Variants in KCTD1 observed in about 807,000 individuals in gnomAD.
KCTD1 encodes the protein BTB/POZ domain-containing protein KCTD1.
KCTD1 carries 24 observed loss-of-function variants against 66.0 expected under a neutral mutation model. The observed-to-expected ratio is 0.36, with a 90% CI of 0.26 to 0.51. The LOEUF (loss-of-function observed/expected upper bound fraction) is 0.51, where lower values mean the gene tolerates loss of function less well. Among genes scored for constraint, KCTD1 ranks in the 20% least tolerant of loss-of-function variants. The probability of loss-of-function intolerance (pLI) is 0.95; values close to 1 mark genes in which losing one functional copy is unlikely to be tolerated. For missense variants in KCTD1, 943 were observed against 1,205.2 expected (o/e 0.78, Z 3.22); for synonymous variants, 511 against 517.2 (o/e 0.99, Z 0.16).
At chr18:26,463,510 T>C (rs1217402638) in intron 3 of KCTD1, among the ~76,000 whole-genome samples, 1 of 151,164 alleles carries the variant, frequency 6.6e-6, no homozygotes, top group African/African-American at 2.4e-5. Context: ...CCTATTATCA[T>C]GTTTAAATCA....
At chr18:26,500,974 C>G (rs760601148) in intron 2 of KCTD1, 98 bp downstream of exon 2, 19 of 1,348,656 alleles carry the variant, frequency 1.4e-5, no homozygotes, top group Non-Finnish European at 1.9e-5. Flanking sequence ...CATCCTGCCC[C>G]CTGCCTCCAC....
At chr18:26,650,011 C>A (rs1002477415) in intron 1 of KCTD1, among the ~76,000 whole-genome samples, 1 of 152,168 alleles carries the variant, frequency 6.6e-6, no homozygotes, top group Admixed American at 6.5e-5. Context: ...GCATTTGCAT[C>A]ATTTCATAGC....
At chr18:26,488,937 A>ACATTTT (rs1272070972) in intron 2 of KCTD1, among the ~76,000 whole-genome samples, 1 of 152,196 alleles carries the variant, frequency 6.6e-6, no homozygotes, top group Admixed American at 6.5e-5. Flanking sequence ...TTTTTAAAAA[A>ACATTTT]CATTTTCATT....
intron 1 of KCTD1, among the ~76,000 whole-genome samples, chr18:26,645,646 C>G (rs1032460041): frequency 9.9e-5 from 15 of 152,172 alleles, no homozygotes; most frequent in South Asian, 4.1e-4. Context: ...AATCCTCCCA[C>G]CTTGGCCTCC....
chr18:26,505,253 C>G (rs576012500), intron 1 of KCTD1, among the ~76,000 whole-genome samples: 1 of 152,368 alleles, frequency 6.6e-6, no homozygotes, highest in African/African-American at 2.4e-5. Context: ...CTCAACTCTA[C>G]CTTCCCATCA....
At chr18:26,503,230 A>C (rs1399080260) in intron 1 of KCTD1, among the ~76,000 whole-genome samples, 1 of 152,208 alleles carries the variant, frequency 6.6e-6, no homozygotes, top group Non-Finnish European at 1.5e-5. Context: ...TTAACAATGC[A>C]AAATAGATAT....
intron 1 of KCTD1, among the ~76,000 whole-genome samples, chr18:26,606,303 T>A (rs1987014326): frequency 3.3e-5 from 5 of 152,192 alleles, no homozygotes; most frequent in Admixed American, 3.3e-4. Context: ...ATGAGGCATG[T>A]CTGACTGCCC....
chr18:26,548,088 C>A lies in KCTD1; in HGVS notation c.449G>T (p.Gly150Val). The A allele has an allele frequency of 4.5e-6, 6 of 1,345,532 alleles. No individual in the cohort carries two copies. Among genetic ancestry groups the A allele is most frequent in the Non-Finnish European group, 5.7e-6 (6 of 1,058,426 alleles). 83.3% of individuals were successfully genotyped at this position (1,345,532 alleles called of 1,614,324 possible). A position where few individuals can be genotyped will look rare whatever the true frequency, so the allele number is the denominator to read the frequency against. ...LAPRARGGPP[G>V]DGSELDPDVL... ...GTCGGGGTCCAGCTCGGAGCCGTCCCCGGGCGGCCCACCGCGGGCCCGGGG... is the reference window on the plus strand; with the variant it reads ...GTCGGGGTCCAGCTCGGAGCCGTCCACGGGCGGCCCACCGCGGGCCCGGGG... Residue 150 changes from glycine (G) to valine (V), a missense_variant, in exon 1 of 5, where the codon GGG becomes GTG. Coordinates refer to ENST00000580059, the MANE Select transcript of KCTD1 (RefSeq NM_001142730.3).
intron 1 of KCTD1, among the ~76,000 whole-genome samples, chr18:26,518,822 C>A (rs1305457830): frequency 6.6e-6 from 1 of 152,194 alleles, no homozygotes; most frequent in East Asian, 1.9e-4. Context: ...GGATTACAGG[C>A]ATGAGCTACT....
At chr18:26,481,005 T>C (rs1424505149) in intron 2 of KCTD1, among the ~76,000 whole-genome samples, 2 of 152,208 alleles carry the variant, frequency 1.3e-5, no homozygotes, top group Non-Finnish European at 2.9e-5. Context: ...TTTTTTCTTG[T>C]GTATTCATTC....
chr18:26,606,135 G>A (rs541793439), intron 1 of KCTD1, among the ~76,000 whole-genome samples: 6 of 152,288 alleles, frequency 3.9e-5, no homozygotes, highest in Admixed American at 3.3e-4. Context: ...GAAATGTCTG[G>A]GTTAAGATAA....
Position 26,546,901 on chromosome 18 carries a change from T to G in KCTD1, c.1636A>C (p.Ile546Leu). ...CTTTTGGGGGAAGTGGGGCCGCAGA[T>G]TTCCCCCGACCCGAACACAGACTCG... The part of the protein sequence containing the change: ...LYESVFGSGE[I>L]CGPTSPKRLC... The change falls in exon 1 of 5, where the codon ATC becomes CTC. Residue 546 changes from isoleucine to leucine, a missense_variant. By Grantham distance (5) the Ile-to-Leu change is conservative. Coordinates refer to ENST00000580059, the MANE Select transcript of KCTD1 (RefSeq NM_001142730.3). 6.7e-7 allele frequency: 1 copy of G among 1,484,412 alleles called. No homozygotes were observed. The highest frequency in any genetic ancestry group is 9.0e-7 in the Non-Finnish European group (1 of 1,116,182). The allele number at this position is 1,484,412 out of a possible 1,614,324, so 92.0% of individuals were successfully genotyped here.
chr18:26,620,348 TAAAAAAAAAAAAAAAAAAAAAA>T (rs10594272), intron 1 of KCTD1, among the ~76,000 whole-genome samples: 2 of 87,214 alleles, frequency 2.3e-5, no homozygotes, highest in Middle Eastern at 6.3e-3. Flanking sequence ...AGGTAAATCT[TAAAAAAAAAAAAAAAAAAAAAA>T]AAAAAAAAAA....
rs761038361 is a variant in KCTD1 at position 26,548,321 on chromosome 18, C to G, written c.216G>C (p.Thr72=). Residue 72 remains threonine, a synonymous_variant, in exon 1 of 5, where the codon ACG becomes ACC. Coordinates refer to ENST00000580059, the MANE Select transcript of KCTD1 (RefSeq NM_001142730.3). ...EEDEIQEVQI[T]GDEEEEEDGG... ...CGTCCTCCTCCTCCTCCTCGTCCCC[C>G]GTTATCTGCACCTCCTGGATCTCGT... 4 of 1,500,350 alleles carry G rather than the reference C, an allele frequency of 2.7e-6. No homozygotes were observed. Among genetic ancestry groups the G allele is most frequent in the South Asian group, 1.3e-5 (1 of 79,188 alleles). 92.9% of individuals were successfully genotyped at this position (1,500,350 alleles called of 1,614,324 possible). A position where few individuals can be genotyped will look rare whatever the true frequency, so the allele number is the denominator to read the frequency against.
chr18:26,549,556 C>T (rs1259501055), upstream of KCTD1: 2 of 789,594 alleles, frequency 2.5e-6, no homozygotes, highest in East Asian at 2.6e-4. Flanking sequence ...CCCAGGGCGC[C>T]GCCCTCCCTG....
intron 1 of KCTD1, among the ~76,000 whole-genome samples, chr18:26,605,718 A>ATC (rs1345550974): frequency 6.3e-5 from 8 of 126,488 alleles, no homozygotes; most frequent in Non-Finnish European, 1.0e-4. Context: ...CCATATATAT[A>ATC]TCTCTATATC....
At chr18:26,525,515 A>C (rs1984114531) in intron 1 of KCTD1, among the ~76,000 whole-genome samples, 1 of 152,146 alleles carries the variant, frequency 6.6e-6, no homozygotes, top group African/African-American at 2.4e-5. Context: ...TGTTTCCCAA[A>C]GATTTTCCAA....
At chr18:26,653,286 C>T (rs965553526) in intron 1 of KCTD1, among the ~76,000 whole-genome samples, 1 of 152,226 alleles carries the variant, frequency 6.6e-6, no homozygotes, top group African/African-American at 2.4e-5. Context: ...CTGAGTTCCT[C>T]CCCCTTTGCT....
chr18:26,492,694 G>A (rs555147475), intron 2 of KCTD1, among the ~76,000 whole-genome samples: 1 of 152,148 alleles, frequency 6.6e-6, no homozygotes, highest in South Asian at 2.1e-4. Context: ...TAAGCATCAT[G>A]GAGTCAGAGT....
Sources: allele counts gnomAD v4.1 joint callset (sites outside exome capture counted in the v4.1 genomes callset), GRCh38; gene constraint gnomAD v4.1.1; transcripts MANE v1.5; gene names NCBI Gene and HGNC (gene_info 2026-07-23, HGNC 2026-07-21).